Variants in BCAT1 observed in about 807,000 individuals in gnomAD.
The protein encoded by BCAT1 is branched-chain-amino-acid aminotransferase, cytosolic.
A neutral mutation model predicts 52.4 loss-of-function variants in BCAT1; 48 were observed. That is an observed-to-expected ratio of 0.92 (90% confidence interval 0.73 to 1.16). The LOEUF is 1.16. Among genes scored for constraint, BCAT1 ranks in the 50% most tolerant of loss-of-function variants. The pLI, the probability that BCAT1 is intolerant of heterozygous loss-of-function variation, is 0.00. For synonymous variants in BCAT1, 167 were observed against 161.3 expected (o/e 1.04, Z -0.27); for missense variants, 451 against 457.1 (o/e 0.99, Z 0.12).
chr12:24,868,109 A>C (rs779382987), intron 5 of BCAT1, among the ~76,000 whole-genome samples: 52 of 152,374 alleles, frequency 3.4e-4, no homozygotes, highest in Middle Eastern at 3.4e-3. Flanking sequence ...AACTCATGGC[A>C]GGAGAAATGG....
intron 5 of BCAT1, among the ~76,000 whole-genome samples, chr12:24,876,013 A>G (rs1417416736): frequency 2.0e-5 from 3 of 152,216 alleles, no homozygotes; most frequent in Admixed American, 1.3e-4. Context: ...CAATTACATT[A>G]GCCTATGGTA....
At chr12:24,844,848 G>C (rs1343645191) in intron 6 of BCAT1, among the ~76,000 whole-genome samples, 1 of 120,856 alleles carries the variant, frequency 8.3e-6, no homozygotes, top group Admixed American at 1.1e-4. Context: ...AGTGAGCCGA[G>C]ATCGCGCCAC....
intron 8 of BCAT1, chr12:24,834,902 T>A: frequency 1.9e-6 from 1 of 521,266 alleles, no homozygotes. Context: ...TTCCCCTATC[T>A]GGCAAATAGT....
At chr12:24,823,747 TC>T (rs945294999) in intron 10 of BCAT1, among the ~76,000 whole-genome samples, 5 of 152,166 alleles carry the variant, frequency 3.3e-5, no homozygotes, top group Non-Finnish European at 1.5e-5. Flanking sequence ...CCCTTTGCCT[TC>T]CGCCATGACT....
At chr12:24,894,580 G>T (rs750702245) in intron 2 of BCAT1, 105 bp from the exon 3 acceptor site, 1 of 984,616 alleles carries the variant, frequency 1.0e-6, no homozygotes, top group Non-Finnish European at 1.5e-6. Context: ...ACTTTTAAAG[G>T]TTAGCAGCTA....
intron 3 of BCAT1, among the ~76,000 whole-genome samples, chr12:24,892,307 A>G (rs1942867987): frequency 6.6e-6 from 1 of 152,086 alleles, no homozygotes; most frequent in Non-Finnish European, 1.5e-5. Flanking sequence ...CACCCCACCC[A>G]GCCTTCAAAG....
At position 24,811,519 on chromosome 12, in the gene BCAT1, C is replaced by G. The variant is rs1939679901; in HGVS notation, c.*6489G>C. ...ATAGAGTTCTTCACACCAGATGGCT[C>G]TGGTGTAACAAAGCCATTTTAGATG... On this transcript the variant is annotated 3_prime_UTR_variant, in exon 11 of 11. Transcript: ENST00000261192. 1 of 152,164 alleles carries G rather than the reference C, an allele frequency of 6.6e-6. No individual in the cohort carries two copies. Among genetic ancestry groups the G allele is most frequent in the South Asian group, 2.1e-4 (1 of 4,826 alleles). 9.4% of individuals were successfully genotyped at this position (152,164 alleles called of 1,614,324 possible).
intron 1 of BCAT1, among the ~76,000 whole-genome samples, chr12:24,921,333 C>T (rs1239147558): frequency 6.6e-6 from 1 of 152,196 alleles, no homozygotes; most frequent in Non-Finnish European, 1.5e-5. Flanking sequence ...ATCACAGGGA[C>T]ACTGGCTTTT....
chr12:24,868,773 G>A (rs1942096672), intron 5 of BCAT1, among the ~76,000 whole-genome samples: 1 of 151,974 alleles, frequency 6.6e-6, no homozygotes, highest in African/African-American at 2.4e-5. Flanking sequence ...AAAACATAAA[G>A]AAAACTTTAA....
Position 24,818,069 on chromosome 12 carries a change from A to G in BCAT1, c.1120-20T>C. The G allele has an allele frequency of 6.2e-7, 1 of 1,611,952 alleles. No homozygotes were observed. The highest frequency in any genetic ancestry group is 8.5e-7 in the Non-Finnish European group (1 of 1,178,508). On this transcript the variant is annotated intron_variant, in intron 10 of 10. Coordinates refer to ENST00000261192, the MANE Select transcript of BCAT1 (RefSeq NM_005504.7). ...TCCATACTGCAACAAAAGCAAGAAA[A>G]CGTGTTTCAGTACAGAAGCTAACAG...
At chr12:24,843,934 T>C (rs906381209) in intron 6 of BCAT1, among the ~76,000 whole-genome samples, 1 of 151,962 alleles carries the variant, frequency 6.6e-6, no homozygotes, top group African/African-American at 2.4e-5. Flanking sequence ...AAAACTGGGG[T>C]CGGCTGTGTC....
chr12:24,818,178 A>G (rs1254472829), intron 10 of BCAT1, 129 bp from the exon 11 acceptor site: 2 of 825,960 alleles, frequency 2.4e-6, no homozygotes, highest in Non-Finnish European at 4.0e-6. Context: ...TTTTCACATT[A>G]AACATGTTCA....
At chr12:24,849,478 T>A (rs549631299) in intron 6 of BCAT1, among the ~76,000 whole-genome samples, 7 of 152,344 alleles carry the variant, frequency 4.6e-5, no homozygotes, top group African/African-American at 1.7e-4. Context: ...ACCGATGTGA[T>A]GCTTGTTGTA....
upstream of BCAT1, chr12:24,949,260 C>T: frequency 2.2e-6 from 1 of 451,134 alleles, no homozygotes; most frequent in South Asian, 3.5e-5. Context: ...ACTGCTCACT[C>T]CCGGGGTGCA....
intron 6 of BCAT1, among the ~76,000 whole-genome samples, chr12:24,843,405 C>T (rs1941233144): frequency 6.6e-6 from 1 of 152,112 alleles, no homozygotes; most frequent in South Asian, 2.1e-4. Flanking sequence ...GAGTTCGAGA[C>T]CAGCCCGGCC....
At position 24,946,173 on chromosome 12, in the gene BCAT1, C is replaced by G. The variant is rs2139771652; in HGVS notation, c.6+2754G>C. Among the ~76,000 whole-genome samples, 3 of 152,316 alleles carry G rather than the reference C, an allele frequency of 2.0e-5. No homozygotes were observed. In the South Asian group the frequency reaches 6.2e-4, roughly 32 times the overall value. On this transcript the variant is annotated intron_variant, in intron 1 of 10. Transcript: ENST00000261192. ...ATTTAGAAACAATCTTTCATTTATGCACAGGAATAATTTACTCATAAGCCC... is the reference window on the plus strand; with the variant it reads ...ATTTAGAAACAATCTTTCATTTATGGACAGGAATAATTTACTCATAAGCCC...
At position 24,849,911 on chromosome 12, in the gene BCAT1, G is replaced by C; in HGVS notation, c.549C>G (p.Leu183=). Residue 183 remains leucine, a synonymous_variant, in exon 6 of 11, where the codon CTC becomes CTG. Transcript: ENST00000261192. ...GTCCCACTGGGCTCAAGAGTACAAA[G>C]AGCAGGGCTTTGGTAGGCTTCTTGA... The part of the protein sequence containing the change: ...LGVKKPTKAL[L]FVLLSPVGPY... The C allele has an allele frequency of 6.2e-7, 1 of 1,613,100 alleles. No individual in the cohort carries two copies. Among genetic ancestry groups the C allele is most frequent in the Non-Finnish European group, 8.5e-7 (1 of 1,179,300 alleles).
intron 5 of BCAT1, among the ~76,000 whole-genome samples, chr12:24,877,604 T>C (rs1942382538): frequency 1.3e-5 from 2 of 152,164 alleles, no homozygotes; most frequent in South Asian, 4.1e-4. Flanking sequence ...ACCATTTTTC[T>C]ATGTGGGAAG....
intron 5 of BCAT1, among the ~76,000 whole-genome samples, chr12:24,859,839 A>G (rs1941803397): frequency 6.6e-6 from 1 of 152,116 alleles, no homozygotes; most frequent in African/African-American, 2.4e-5. Flanking sequence ...TCCAAAAATG[A>G]CATATTTGGC....
Sources: gnomAD v4.1 joint callset for allele counts (sites outside exome capture counted in the v4.1 genomes callset) on GRCh38, gnomAD v4.1.1 for gene constraint, MANE v1.5 for transcripts, NCBI Gene and HGNC (gene_info 2026-07-23, HGNC 2026-07-21) for gene names.